Variants in CPVL observed in about 807,000 individuals in gnomAD.
CPVL encodes the protein probable serine carboxypeptidase CPVL.
In CPVL, 51 loss-of-function variants were observed where a neutral mutation model predicts 63.7. The ratio of observed to expected loss-of-function variants is 0.80; its 90% confidence interval spans 0.64 to 1.01. The LOEUF (loss-of-function observed/expected upper bound fraction) is 1.01. Among genes scored for constraint, CPVL ranks in the 50% least tolerant of loss-of-function variants. The pLI, the probability that CPVL is intolerant of heterozygous loss-of-function variation, is 0.00. For synonymous variants in CPVL, 195 were observed against 206.0 expected, an observed-to-expected ratio of 0.95 and a Z score of 0.46; for missense variants, 530 against 573.1, an observed-to-expected ratio of 0.92 and a Z score of 0.77.
At chr7:29,095,974 TTGTGTTTTGATAATC>T (rs1244209943) in intron 4 of CPVL, 114 bp downstream of exon 4, 21 of 779,814 alleles carry the variant, frequency 2.7e-5, no homozygotes, top group Non-Finnish European at 4.6e-5. Context: ...TGCCAGAAAG[TTGTGTTTTGATAATC>T]TGGAACGGTT....
At chr7:29,043,994 CATGATGATGATGATG>C (rs369477733) in intron 11 of CPVL, among the ~76,000 whole-genome samples, 1 of 151,922 alleles carries the variant, frequency 6.6e-6, no homozygotes, top group African/African-American at 2.4e-5. Flanking sequence ...AGACTCAAAT[CATGATGATGATGATG>C]ATGATGATGG....
chr7:29,099,022 G>A (rs867422400), intron 3 of CPVL, among the ~76,000 whole-genome samples: 14 of 151,978 alleles, frequency 9.2e-5, no homozygotes, highest in African/African-American at 3.1e-4. Flanking sequence ...CCAAGATTGC[G>A]CCATTGCACT....
chr7:29,145,855 GAGCTGCTTCCAC>G (rs1417530132), intron 1 of CPVL: 1 of 152,152 alleles, frequency 6.6e-6, no homozygotes, highest in South Asian at 2.1e-4. Flanking sequence ...ACTTCACAGG[GAGCTGCTTCCAC>G]CTGTCTCCTG....
intron 11 of CPVL, among the ~76,000 whole-genome samples, chr7:29,057,402 T>A (rs547945468): frequency 6.6e-6 from 1 of 152,234 alleles, no homozygotes; most frequent in African/African-American, 2.4e-5. Context: ...TAACAGTCCA[T>A]TATCGGATGT....
chr7:29,086,300 AAT>A (rs76092553), intron 7 of CPVL, among the ~76,000 whole-genome samples, 182 bp downstream of exon 7: 4 of 124,754 alleles, frequency 3.2e-5, no homozygotes, highest in Admixed American at 8.1e-5. Flanking sequence ...ACTAAAAAAA[AAT>A]ATATATATAT....
intron 12 of CPVL, among the ~76,000 whole-genome samples, chr7:29,003,177 CACACACACACAGAG>C (rs745491131): frequency 0.024 from 2,186 of 92,684 alleles, 59 homozygotes; most frequent in African/African-American, 0.091. Flanking sequence ...CACACACACA[CACACACACACAGAG>C]AGAATAGCAT....
chr7:29,055,399 G>A (rs748202855), intron 11 of CPVL, among the ~76,000 whole-genome samples: 5 of 152,050 alleles, frequency 3.3e-5, no homozygotes, highest in Admixed American at 2.6e-4. Context: ...ACAGGCGCCC[G>A]CCACCATACC....
At chr7:29,193,201 G>A (rs1043561393) in intron 1 of CPVL, 4 of 152,022 alleles carry the variant, frequency 2.6e-5, no homozygotes, top group African/African-American at 9.7e-5. Context: ...TTAGCAAGGT[G>A]TATTTTTAAA....
exon 1 of CPVL, chr7:29,195,101 C>A: frequency 8.3e-7 from 1 of 1,206,118 alleles, no homozygotes; most frequent in Admixed American, 2.4e-5. Context: ...CCCGCTCTCT[C>A]GGAATGGGGG....
intron 9 of CPVL, among the ~76,000 whole-genome samples, chr7:29,070,061 A>G (rs1783589630): frequency 6.6e-6 from 1 of 152,172 alleles, no homozygotes; most frequent in African/African-American, 2.4e-5. Context: ...TGTCCTAAGT[A>G]TCATTTTATC....
upstream of CPVL, among the ~76,000 whole-genome samples, chr7:29,149,192 T>TTTC: frequency 7.1e-6 from 1 of 141,128 alleles, no homozygotes; most frequent in East Asian, 2.0e-4. Flanking sequence ...TGTTTCCCTT[T>TTTC]TTTTTTTTTT....
At chr7:29,172,072 T>TG (rs778694146) in intron 5 of CPVL, among the ~76,000 whole-genome samples, 1 of 152,112 alleles carries the variant, frequency 6.6e-6, no homozygotes, top group Non-Finnish European at 1.5e-5. Flanking sequence ...CCAAATCAGA[T>TG]GTAGGGTCAG....
intron 1 of CPVL, among the ~76,000 whole-genome samples, chr7:29,189,406 C>T (rs1799123373): frequency 6.6e-6 from 1 of 152,034 alleles, no homozygotes; most frequent in South Asian, 2.1e-4. Flanking sequence ...AGCAAATTTT[C>T]ATAGAAAAAG....
At chr7:29,118,407 T>C (rs1325309082) in intron 2 of CPVL, among the ~76,000 whole-genome samples, 1 of 152,022 alleles carries the variant, frequency 6.6e-6, no homozygotes, top group African/African-American at 2.4e-5. Context: ...ATTTGGAGGG[T>C]TTAACGACAC....
chr7:29,156,054 A>C (rs770316979), intron 5 of CPVL, among the ~76,000 whole-genome samples: 1 of 152,216 alleles, frequency 6.6e-6, no homozygotes, highest in Non-Finnish European at 1.5e-5. Flanking sequence ...GTGCTGAGGG[A>C]TAAACCGGCG....
chr7:29,127,401 A>T (rs1423010756), intron 1 of CPVL: 1 of 152,180 alleles, frequency 6.6e-6, no homozygotes. Context: ...TTTTATTTCT[A>T]ACCAGGAAGG....
chr7:29,047,582 A>C (rs62442601), intron 11 of CPVL, among the ~76,000 whole-genome samples: 14,023 of 152,238 alleles, frequency 0.092, 1,944 homozygotes, highest in African/African-American at 0.3. Flanking sequence ...GTTCCTGAGA[A>C]AGTAGACAAA....
chr7:29,194,803 G>C, intron 1 of CPVL: 1 of 653,614 alleles, frequency 1.5e-6, no homozygotes. Context: ...GGCAGAGTCC[G>C]GAGGCTGGTG....
chr7:29,127,166 T>C (rs1790118208), intron 1 of CPVL, among the ~76,000 whole-genome samples: 1 of 152,084 alleles, frequency 6.6e-6, no homozygotes, highest in Non-Finnish European at 1.5e-5. Flanking sequence ...GACACCACAG[T>C]CTAGAGCTTT....
Sources: gnomAD v4.1 joint callset for allele counts (sites outside exome capture counted in the v4.1 genomes callset) on GRCh38, gnomAD v4.1.1 for gene constraint, MANE v1.5 for transcripts, NCBI Gene and HGNC (gene_info 2026-07-23, HGNC 2026-07-21) for gene names.